Variants in LCA5 observed in about 807,000 individuals in gnomAD.
The protein encoded by LCA5 is lebercilin LCA5, also known as lebercilin.
A neutral mutation model predicts 53.0 loss-of-function variants in LCA5; 37 were observed. The observed-to-expected ratio is 0.70, with a 90% CI of 0.54 to 0.92. The LOEUF (loss-of-function observed/expected upper bound fraction) is 0.92. Among genes scored for constraint, LCA5 ranks in the 40% least tolerant of loss-of-function variants. The pLI is 0.00. For missense variants in LCA5, 806 were observed against 790.5 expected, an observed-to-expected ratio of 1.02 and a Z score of -0.23; for synonymous variants, 303 against 282.9, an observed-to-expected ratio of 1.07 and a Z score of -0.71.
chr6:79,511,129 C>T (rs1770399330), intron 3 of LCA5, among the ~76,000 whole-genome samples: 1 of 151,776 alleles, frequency 6.6e-6, no homozygotes, highest in South Asian at 2.1e-4. Flanking sequence ...CCAGCAAGTG[C>T]ACTTTCAGGC....
chr6:79,491,328 T>A (rs1329469669), intron 6 of LCA5, among the ~76,000 whole-genome samples: 1 of 152,130 alleles, frequency 6.6e-6, no homozygotes, highest in Non-Finnish European at 1.5e-5. Flanking sequence ...GTGCACAACG[T>A]GCAGGTTTGT....
intron 1 of LCA5, among the ~76,000 whole-genome samples, chr6:79,522,902 GT>G (rs1161551506): frequency 4.0e-5 from 2 of 50,274 alleles, no homozygotes; most frequent in Admixed American, 2.4e-4. Flanking sequence ...TGTTGATACT[GT>G]CTTTTTTTTT....
chr6:79,492,798 C>T (rs923846876), intron 4 of LCA5, 151 bp from the exon 5 acceptor site: 11 of 593,994 alleles, frequency 1.9e-5, no homozygotes, highest in African/African-American at 5.6e-5. Flanking sequence ...AAAGAAATGT[C>T]TCTAGCATAC....
chr6:79,513,503 C>G lies in LCA5; in HGVS notation c.429G>C (p.Gln143His). 6.2e-7 allele frequency: 1 copy of G among 1,613,938 alleles called. No individual in the cohort carries two copies. The highest frequency in any genetic ancestry group is 8.5e-7 in the Non-Finnish European group (1 of 1,179,904). ...CTTCAAACTTATTCAGGGCTTTCTC[C>G]TGTCTGTACTGAAGCCTTTTCAAAG... Reference protein sequence around the residue: ...NKSLKRLQYRQEKALNKFEDA... With the variant: ...NKSLKRLQYRHEKALNKFEDA... Residue 143 changes from glutamine (Q) to histidine (H), a missense_variant, in exon 3 of 8, where the codon CAG becomes CAC. Transcript: ENST00000369846.
chr6:79,538,030 T>TTTTTTTTTTG (rs1562118438), upstream of LCA5, among the ~76,000 whole-genome samples: 1 of 106,076 alleles, frequency 9.4e-6, no homozygotes, highest in Non-Finnish European at 2.0e-5. Context: ...TTTTTTTTTT[T>TTTTTTTTTTG]TTTTTTTTTT....
chr6:79,512,471 A>G (rs1582639105), intron 3 of LCA5, among the ~76,000 whole-genome samples: 1 of 152,152 alleles, frequency 6.6e-6, no homozygotes, highest in African/African-American at 2.4e-5. Flanking sequence ...TCTGATTAAT[A>G]TACTGCAGAA....
At chr6:79,496,743 A>T (rs936969626) in intron 3 of LCA5, among the ~76,000 whole-genome samples, 4 of 152,150 alleles carry the variant, frequency 2.6e-5, no homozygotes, top group African/African-American at 9.7e-5. Flanking sequence ...AACAGTAAAA[A>T]CAAATGTGTA....
At chr6:79,494,183 G>C (rs758515642) in intron 3 of LCA5, among the ~76,000 whole-genome samples, 1 of 151,902 alleles carries the variant, frequency 6.6e-6, no homozygotes, top group Non-Finnish European at 1.5e-5. Context: ...CTAGAGCCTG[G>C]AAGTTTGCGC....
intron 3 of LCA5, among the ~76,000 whole-genome samples, chr6:79,505,839 C>T (rs765951376): frequency 1.3e-5 from 2 of 151,968 alleles, no homozygotes; most frequent in Non-Finnish European, 2.9e-5. Flanking sequence ...TCCTACCTGG[C>T]CCAATACTAG....
intron 1 of LCA5, among the ~76,000 whole-genome samples, chr6:79,534,061 GTTACACTGT>G (rs999343170): frequency 6.8e-6 from 1 of 147,308 alleles, no homozygotes; most frequent in Admixed American, 6.8e-5. Flanking sequence ...AAGAGGAGCA[GTTACACTGT>G]AACTGCTCCT....
At chr6:79,492,155 C>G (rs557751466) in intron 5 of LCA5, among the ~76,000 whole-genome samples, 37 of 151,938 alleles carry the variant, frequency 2.4e-4, no homozygotes, top group African/African-American at 8.2e-4. Flanking sequence ...CTAAGATTTA[C>G]TTTATAATAC....
At chr6:79,508,851 G>A (rs986961941) in intron 3 of LCA5, among the ~76,000 whole-genome samples, 2 of 152,120 alleles carry the variant, frequency 1.3e-5, no homozygotes, top group African/African-American at 4.8e-5. Flanking sequence ...GAAGAGAAAG[G>A]ATCAATAGTG....
In LCA5 at chr6:79,513,586, G is replaced by T; in HGVS notation, c.346C>A (p.Gln116Lys). Residue 116 changes from glutamine (Q) to lysine (K), a missense_variant, in exon 3 of 8, where the codon CAG (glutamine) becomes AAG (lysine). Physicochemically the swap from Gln to Lys is moderately conservative, Grantham distance 53 (BLOSUM62 1). Transcript: ENST00000369846. The part of the protein sequence containing the change: ...SARLLKINEL[Q>K]NEVSELQVKL... Reference sequence around the variant, plus strand: ...ACCTGGAGTTCAGATACTTCATTCTGCAACTCATTGATTTTTAGCAGTCTT... The same window carrying T: ...ACCTGGAGTTCAGATACTTCATTCTTCAACTCATTGATTTTTAGCAGTCTT... 1 of 1,613,782 alleles carries T rather than the reference G, an allele frequency of 6.2e-7. No homozygotes were observed. Among genetic ancestry groups the T allele is most frequent in the Non-Finnish European group, 8.5e-7 (1 of 1,179,858 alleles).
chr6:79,538,018 G>GTTTTT (rs869197362), upstream of LCA5, among the ~76,000 whole-genome samples: 207 of 44,150 alleles, frequency 4.7e-3, 49 homozygotes, highest in Middle Eastern at 0.067. Flanking sequence ...TTGCACACAA[G>GTTTTT]TTTTTTTTTT....
intron 3 of LCA5, among the ~76,000 whole-genome samples, chr6:79,494,315 A>C (rs1769922176): frequency 6.6e-6 from 1 of 152,202 alleles, no homozygotes; most frequent in Non-Finnish European, 1.5e-5. Context: ...GCACTACCAA[A>C]GCTGCGGAGA....
chr6:79,523,838 A>G (rs1192403225), intron 1 of LCA5, among the ~76,000 whole-genome samples: 2 of 152,118 alleles, frequency 1.3e-5, no homozygotes, highest in Non-Finnish European at 2.9e-5. Flanking sequence ...TAAGTAAATA[A>G]AGGAAATATC....
chr6:79,501,241 T>C (rs189693131), intron 3 of LCA5, among the ~76,000 whole-genome samples: 4 of 152,282 alleles, frequency 2.6e-5, no homozygotes, highest in Admixed American at 2.6e-4. Flanking sequence ...AATCTTGATC[T>C]TGTCATCCAT....
chr6:79,529,912 C>T (rs1442467642), intron 1 of LCA5, among the ~76,000 whole-genome samples: 1 of 134,578 alleles, frequency 7.4e-6, no homozygotes, highest in Admixed American at 8.8e-5. Context: ...ACAATGAGAA[C>T]ACTTGGACAC....
chr6:79,519,139 C>T (rs1766545348), intron 1 of LCA5, 54 bp from the exon 2 acceptor site: 10 of 536,848 alleles, frequency 1.9e-5, no homozygotes, highest in Non-Finnish European at 3.0e-5. Context: ...ACAGTTTCTA[C>T]AGTTAATTAC....
Sources: gnomAD v4.1 joint callset for allele counts (sites outside exome capture counted in the v4.1 genomes callset) on GRCh38, gnomAD v4.1.1 for gene constraint, MANE v1.5 for transcripts, NCBI Gene and HGNC (gene_info 2026-07-23, HGNC 2026-07-21) for gene names.